Variants in EYA2 observed in about 807,000 individuals in gnomAD.
The protein encoded by EYA2 is EYA transcriptional coactivator and phosphatase 2.
Under a neutral mutation model 69.2 loss-of-function variants are expected in EYA2, and 31 were observed. The ratio of observed to expected loss-of-function variants is 0.45; its 90% confidence interval spans 0.34 to 0.60. EYA2 has a LOEUF of 0.60. EYA2 is among the 20% of genes least tolerant of loss of function. The pLI, the probability that EYA2 is intolerant of heterozygous loss-of-function variation, is 0.02. For missense variants in EYA2, 622 were observed against 701.2 expected (o/e 0.89, Z 1.28); for synonymous variants, 257 against 279.4 (o/e 0.92, Z 0.80).
Position 46,996,477 on chromosome 20 carries a change from A to T in EYA2, c.110-4951A>T, listed in dbSNP as rs7263054. Among the ~76,000 whole-genome samples the T allele has an allele frequency of 1.1e-3, 168 of 152,332 alleles. 1 individual carries two copies. Among genetic ancestry groups the T allele is most frequent in the African/African-American group, 3.9e-3 (162 of 41,574 alleles). On this transcript the variant is annotated intron_variant, in intron 2 of 15. Transcript: ENST00000327619. ...GGAGGCTTCCTTGACCAACAATCAG[A>T]ACCTGTGTTTTAACAAGATCCCCAG... is the stretch of plus-strand genomic sequence containing the variant.
At chr20:46,917,341 C>G (rs981223183) in intron 1 of EYA2, among the ~76,000 whole-genome samples, 5 of 152,132 alleles carry the variant, frequency 3.3e-5, no homozygotes, top group African/African-American at 1.2e-4. Flanking sequence ...ATTACTGTCC[C>G]CATTTTATAG....
At chr20:47,162,606 C>T (rs1303986602) in intron 10 of EYA2, among the ~76,000 whole-genome samples, 1 of 150,926 alleles carries the variant, frequency 6.6e-6, no homozygotes, top group Non-Finnish European at 1.5e-5. Context: ...CAGCCTCGAC[C>T]TCCCCAGGCT....
chr20:47,109,409 C>CTATA, intron 9 of EYA2, among the ~76,000 whole-genome samples: 1 of 152,296 alleles, frequency 6.6e-6, no homozygotes, highest in South Asian at 2.1e-4. Flanking sequence ...CCTCCCCTCC[C>CTATA]TATATAGCTC....
intron 5 of EYA2, among the ~76,000 whole-genome samples, chr20:47,039,140 C>T (rs1600661512): frequency 1.3e-5 from 2 of 151,834 alleles, no homozygotes; most frequent in African/African-American, 4.8e-5. Context: ...CACGCGCGCA[C>T]AATTCTATAA....
intron 5 of EYA2, among the ~76,000 whole-genome samples, chr20:47,036,346 C>T (rs1485000608): frequency 6.6e-6 from 1 of 152,256 alleles, no homozygotes; most frequent in South Asian, 2.1e-4. Flanking sequence ...CCCTGATGAA[C>T]AAAGTATCAA....
At chr20:47,063,702 C>A (rs890757554) in intron 5 of EYA2, among the ~76,000 whole-genome samples, 4 of 152,162 alleles carry the variant, frequency 2.6e-5, no homozygotes, top group African/African-American at 9.7e-5. Flanking sequence ...TTCCTTGCAA[C>A]CAGACTGGCC....
chr20:47,135,552 A>G (rs932572796), intron 9 of EYA2, among the ~76,000 whole-genome samples: 1 of 151,946 alleles, frequency 6.6e-6, no homozygotes, highest in Non-Finnish European at 1.5e-5. Flanking sequence ...AAGGAACTCA[A>G]AATCCCACAG....
At chr20:46,968,124 G>T (rs987485351) in intron 1 of EYA2, among the ~76,000 whole-genome samples, 2 of 152,192 alleles carry the variant, frequency 1.3e-5, no homozygotes, top group Non-Finnish European at 2.9e-5. Context: ...TTAGAGTAGG[G>T]CCATGTCCAG....
intron 5 of EYA2, among the ~76,000 whole-genome samples, chr20:47,027,844 G>A (rs1984185506): frequency 6.6e-6 from 1 of 152,204 alleles, no homozygotes; most frequent in African/African-American, 2.4e-5. Context: ...TTTTAATTTT[G>A]TTTAATTTTA....
At chr20:47,077,147 G>A (rs2031547159) in intron 7 of EYA2, among the ~76,000 whole-genome samples, 1 of 152,154 alleles carries the variant, frequency 6.6e-6, no homozygotes, top group Non-Finnish European at 1.5e-5. Flanking sequence ...GAAGACAGAA[G>A]AGACAATGGG....
chr20:46,930,118 G>T (rs553528737), intron 1 of EYA2, among the ~76,000 whole-genome samples: 1 of 152,314 alleles, frequency 6.6e-6, no homozygotes, highest in Non-Finnish European at 1.5e-5. Context: ...GAGATGCAGA[G>T]TTACTTACCA....
intron 1 of EYA2, among the ~76,000 whole-genome samples, chr20:46,916,076 C>A (rs904221633): frequency 1.3e-5 from 2 of 152,164 alleles, no homozygotes; most frequent in Non-Finnish European, 2.9e-5. Context: ...ATTTCATATG[C>A]AAAGAGAATA....
intron 10 of EYA2, among the ~76,000 whole-genome samples, chr20:47,155,729 C>T (rs2033909615): frequency 1.3e-5 from 2 of 151,776 alleles, no homozygotes; most frequent in Admixed American, 1.3e-4. Context: ...CAGAAAGATC[C>T]CTTTCCCAGG....
intron 10 of EYA2, among the ~76,000 whole-genome samples, chr20:47,144,132 T>G (rs1438775175): frequency 6.6e-6 from 1 of 151,680 alleles, no homozygotes; most frequent in Non-Finnish European, 1.5e-5. Flanking sequence ...CCGAGGCGGG[T>G]GGATCACAAG....
intron 11 of EYA2, among the ~76,000 whole-genome samples, chr20:47,172,177 T>A (rs2034335135): frequency 6.6e-6 from 1 of 152,044 alleles, no homozygotes; most frequent in Admixed American, 6.6e-5. Context: ...TGCATGCCTA[T>A]AATCCCAGCA....
intron 15 of EYA2, among the ~76,000 whole-genome samples, chr20:47,187,417 G>A (rs1305899495): frequency 6.6e-6 from 1 of 151,840 alleles, no homozygotes. Flanking sequence ...ACCACCTGCT[G>A]CAAAGAAAAG....
At chr20:47,007,736 C>G (rs1982803908) in intron 4 of EYA2, among the ~76,000 whole-genome samples, 1 of 152,072 alleles carries the variant, frequency 6.6e-6, no homozygotes, top group Admixed American at 6.5e-5. Flanking sequence ...CTCCCTCACC[C>G]TCATGAGTAG....
chr20:47,135,214 T>A (rs1443942801), intron 9 of EYA2, among the ~76,000 whole-genome samples: 1 of 151,798 alleles, frequency 6.6e-6, no homozygotes, highest in Non-Finnish European at 1.5e-5. Flanking sequence ...CTTCCAGTCT[T>A]TTTTTTAATG....
chr20:46,955,689 C>T (rs1008422083), intron 1 of EYA2, among the ~76,000 whole-genome samples: 5 of 152,322 alleles, frequency 3.3e-5, no homozygotes, highest in Admixed American at 6.5e-5. Context: ...AGATTTTACA[C>T]ACCACAATTT....
Sources: allele counts gnomAD v4.1 joint callset (sites outside exome capture counted in the v4.1 genomes callset), GRCh38; gene constraint gnomAD v4.1.1; transcripts MANE v1.5; gene names NCBI Gene and HGNC (gene_info 2026-07-23, HGNC 2026-07-21).